USP20: variants seen among roughly 807,000 people sequenced by gnomAD.
The protein encoded by USP20 is ubiquitin specific peptidase 20.
USP20 carries 80 observed loss-of-function variants against 124.2 expected under a neutral mutation model. The ratio of observed to expected loss-of-function variants is 0.64; its 90% CI spans 0.54 to 0.78. The LOEUF is 0.78. USP20 is among the 30% of genes least tolerant of loss of function. USP20 has a pLI of 0.00. For missense variants in USP20, 1,043 were observed against 1,244.4 expected, an observed-to-expected ratio of 0.84 and a Z score of 2.44; for synonymous variants, 481 against 512.3, an observed-to-expected ratio of 0.94 and a Z score of 0.83.
intron 1 of USP20, among the ~76,000 whole-genome samples, chr9:129,845,453 GAAAA>G (rs1218042553): frequency 6.6e-6 from 1 of 152,112 alleles, no homozygotes; most frequent in East Asian, 1.9e-4. Flanking sequence ...ACAGGCAAAA[GAAAA>G]AGAAAGAAAG....
intron 15 of USP20, among the ~76,000 whole-genome samples, chr9:129,871,373 T>G (rs1403738145): frequency 6.6e-6 from 1 of 152,216 alleles, no homozygotes; most frequent in African/African-American, 2.4e-5. Flanking sequence ...ATGCTGGTTA[T>G]TTATTGTTCC....
chr9:129,864,486 AAAAAAAAGTCT>A (rs1294654232), intron 9 of USP20, among the ~76,000 whole-genome samples: 1 of 135,280 alleles, frequency 7.4e-6, no homozygotes, highest in Non-Finnish European at 1.7e-5. Flanking sequence ...AAAAAAAAAA[AAAAAAAAGTCT>A]GTGTGCAGTG....
At chr9:129,862,799 G>A (rs976322564) in intron 8 of USP20, among the ~76,000 whole-genome samples, 4 of 151,758 alleles carry the variant, frequency 2.6e-5, no homozygotes, top group African/African-American at 7.3e-5. Flanking sequence ...CCAGCTACTC[G>A]GGAGGCTAAG....
intron 21 of USP20, 117 bp downstream of exon 21, chr9:129,875,758 C>G: frequency 1.0e-6 from 1 of 993,404 alleles, no homozygotes; most frequent in Non-Finnish European, 1.5e-6. Context: ...CTGGCCTCCA[C>G]GTGGGCAGCA....
At chr9:129,847,127 G>A (rs1183180847) in intron 1 of USP20, among the ~76,000 whole-genome samples, 4 of 152,102 alleles carry the variant, frequency 2.6e-5, no homozygotes, top group South Asian at 2.1e-4. Context: ...TTGAGTTGCC[G>A]TTTTTAGTGC....
intron 3 of USP20, among the ~76,000 whole-genome samples, chr9:129,853,191 T>A (rs534124260): frequency 6.6e-6 from 1 of 151,942 alleles, no homozygotes; most frequent in East Asian, 1.9e-4. Context: ...TTTTGTATCT[T>A]TTCAGTTTCT....
intron 1 of USP20, among the ~76,000 whole-genome samples, chr9:129,849,004 G>A (rs183527093): frequency 3.3e-4 from 50 of 152,312 alleles, no homozygotes; most frequent in African/African-American, 1.2e-3. Flanking sequence ...GGATGAGCCC[G>A]GTTGTGCCTG....
At chr9:129,854,850 C>T (rs1346496291) in intron 3 of USP20, among the ~76,000 whole-genome samples, 2 of 152,136 alleles carry the variant, frequency 1.3e-5, no homozygotes, top group African/African-American at 2.4e-5. Context: ...TCACTTCAAC[C>T]CCATGTTCAG....
intron 1 of USP20, among the ~76,000 whole-genome samples, chr9:129,845,710 A>G (rs1300283849): frequency 6.6e-6 from 1 of 152,096 alleles, no homozygotes; most frequent in Non-Finnish European, 1.5e-5. Flanking sequence ...TTATTAGATT[A>G]GAATGATTAT....
At position 129,881,211 on chromosome 9, in the gene USP20, CAG is replaced by C. The variant is rs999529445; in HGVS notation, c.*762_*763del. On this transcript the variant is annotated 3_prime_UTR_variant, in exon 26 of 26. Transcript: ENST00000372429. ...CCCACCAGGGAACCGGATGATGAAA[CAG>C]GGATACCTCACAGCTTGGCCATTTG... 3.9e-5 allele frequency: 6 copies of C among 152,408 alleles called. No homozygotes were observed. Among genetic ancestry groups the C allele is most frequent in the African/African-American group, 9.6e-5 (4 of 41,588 alleles). The allele number at this position is 152,408 out of a possible 1,614,324, so 9.4% of individuals were successfully genotyped here.
At chr9:129,870,142 G>A (rs1417132811) in intron 14 of USP20, 2 of 564,604 alleles carry the variant, frequency 3.5e-6, no homozygotes, top group East Asian at 3.0e-5. Context: ...GGCGGGAAGG[G>A]CAGCAGCTTT....
intron 6 of USP20, among the ~76,000 whole-genome samples, chr9:129,860,403 T>C (rs1588264796): frequency 1.3e-5 from 2 of 152,022 alleles, no homozygotes; most frequent in East Asian, 3.9e-4. Context: ...AAAATGGGGT[T>C]GCATGTTTAT....
At chr9:129,860,701 GT>G (rs1288239202) in intron 6 of USP20, among the ~76,000 whole-genome samples, 4 of 152,220 alleles carry the variant, frequency 2.6e-5, no homozygotes, top group Non-Finnish European at 5.9e-5. Context: ...TCCAGCCTGG[GT>G]GACAAAGCAA....
At chr9:129,858,962 C>T (rs1398979929) in intron 6 of USP20, among the ~76,000 whole-genome samples, 2 of 152,084 alleles carry the variant, frequency 1.3e-5, no homozygotes, top group African/African-American at 4.8e-5. Context: ...CACAGATGGC[C>T]CTCTGGCCAT....
chr9:129,870,257 G>A, intron 14 of USP20, 196 bp from the exon 15 acceptor site: 1 of 604,234 alleles, frequency 1.7e-6, no homozygotes, highest in East Asian at 2.8e-5. Flanking sequence ...GGCTTGCGGA[G>A]AGATGATGTC....
At chr9:129,861,159 G>T in intron 7 of USP20, 126 bp downstream of exon 7, 1 of 909,026 alleles carries the variant, frequency 1.1e-6, no homozygotes, top group South Asian at 1.5e-5. Context: ...ATGGGGTGAC[G>T]GATAAGCTGT....
At chr9:129,854,716 A>C (rs2033122375) in intron 3 of USP20, among the ~76,000 whole-genome samples, 1 of 152,174 alleles carries the variant, frequency 6.6e-6, no homozygotes, top group African/African-American at 2.4e-5. Flanking sequence ...AAATTCAGGA[A>C]GGTTTGGGGC....
At chr9:129,861,942 A>G (rs2033570924) in intron 8 of USP20, among the ~76,000 whole-genome samples, 1 of 152,234 alleles carries the variant, frequency 6.6e-6, no homozygotes, top group Admixed American at 6.5e-5. Flanking sequence ...GACAACATGC[A>G]TTGAAACAAG....
intron 22 of USP20, among the ~76,000 whole-genome samples, chr9:129,877,534 G>A (rs555620452): frequency 2.0e-5 from 3 of 151,642 alleles, no homozygotes; most frequent in South Asian, 2.1e-4. Flanking sequence ...GAACACAAAC[G>A]AAAAAGAGAC....
Sources: gnomAD v4.1 joint callset for allele counts (sites outside exome capture counted in the v4.1 genomes callset) on GRCh38, gnomAD v4.1.1 for gene constraint, MANE v1.5 for transcripts, NCBI Gene and HGNC (gene_info 2026-07-23, HGNC 2026-07-21) for gene names.